NPAS2: variants seen among roughly 807,000 people sequenced by gnomAD.
NPAS2 encodes neuronal PAS domain-containing protein 2.
A neutral mutation model predicts 107.5 loss-of-function variants in NPAS2; 23 were observed. That is an observed-to-expected ratio of 0.21 (90% CI 0.15 to 0.30). NPAS2 has a LOEUF of 0.30. NPAS2 is among the 10% of genes least tolerant of loss of function. The pLI, the probability that NPAS2 is intolerant of heterozygous loss-of-function variation, is 1.00. For missense variants in NPAS2, 756 were observed against 1,043.3 expected (o/e 0.72, Z 3.79); for synonymous variants, 403 against 417.5 (o/e 0.97, Z 0.42).
chr2:100,932,339 T>C (rs1684011163), intron 3 of NPAS2, among the ~76,000 whole-genome samples: 1 of 152,232 alleles, frequency 6.6e-6, no homozygotes, highest in Non-Finnish European at 1.5e-5. Context: ...AAACTATAGA[T>C]TAACCCCAAA....
At chr2:100,971,108 G>C in intron 12 of NPAS2, 34 bp downstream of exon 12, 2 of 1,598,204 alleles carry the variant, frequency 1.3e-6, no homozygotes, top group South Asian at 1.1e-5. Context: ...ATACGGCAAA[G>C]GTTGGCTAGG....
intron 7 of NPAS2, among the ~76,000 whole-genome samples, chr2:100,954,726 A>G (rs1445709398): frequency 6.6e-6 from 1 of 150,990 alleles, no homozygotes; most frequent in African/African-American, 2.4e-5. Flanking sequence ...TAGCTATTAC[A>G]CAAGCCTCCC....
At chr2:100,824,860 T>C (rs1057403361) in intron 1 of NPAS2, among the ~76,000 whole-genome samples, 62 of 152,178 alleles carry the variant, frequency 4.1e-4, no homozygotes, top group African/African-American at 1.3e-3. Flanking sequence ...AACCAAGTTC[T>C]AAGAGAATGG....
chr2:100,924,463 T>C (rs1461474444), intron 2 of NPAS2, among the ~76,000 whole-genome samples: 1 of 152,276 alleles, frequency 6.6e-6, no homozygotes, highest in Non-Finnish European at 1.5e-5. Context: ...ATATACTTGC[T>C]ATCATACAGT....
At chr2:100,958,383 G>A (rs1675704906) in intron 7 of NPAS2, among the ~76,000 whole-genome samples, 2 of 152,300 alleles carry the variant, frequency 1.3e-5, no homozygotes, top group South Asian at 2.1e-4. Context: ...GGAACAAAGC[G>A]CATGCACGCC....
At chr2:100,977,379 G>A (rs1392201400) in intron 14 of NPAS2, among the ~76,000 whole-genome samples, 1 of 152,186 alleles carries the variant, frequency 6.6e-6, no homozygotes, top group Non-Finnish European at 1.5e-5. Flanking sequence ...TTTGGGAGGA[G>A]AGCAACCAAA....
chr2:100,831,351 C>T (rs896652391), intron 1 of NPAS2, among the ~76,000 whole-genome samples: 2 of 152,078 alleles, frequency 1.3e-5, no homozygotes, highest in African/African-American at 4.8e-5. Context: ...GTCAGCACTT[C>T]AGTTTGTGTT....
intron 5 of NPAS2, among the ~76,000 whole-genome samples, chr2:100,939,736 G>T (rs765464491): frequency 1.3e-4 from 20 of 152,298 alleles, no homozygotes; most frequent in Non-Finnish European, 2.8e-4. Flanking sequence ...GATTTGCACT[G>T]TTCTGCTTTA....
intron 2 of NPAS2, 128 bp from the exon 3 acceptor site, chr2:100,925,018 C>CCG: frequency 3.0e-6 from 3 of 993,694 alleles, no homozygotes; most frequent in Non-Finnish European, 4.3e-6. Context: ...GCGTGACCTT[C>CCG]CTGAAAGAGT....
intron 2 of NPAS2, among the ~76,000 whole-genome samples, chr2:100,916,421 AAACAAACACTAATT>A (rs1229483430): frequency 1.3e-5 from 2 of 152,334 alleles, no homozygotes; most frequent in African/African-American, 4.8e-5. Flanking sequence ...ATGATATACC[AAACAAACACTAATT>A]AAAGAAAGCC....
chr2:100,973,138 C>T lies in NPAS2; in HGVS notation c.1141-1665C>T, dbSNP rs1020481237. Among the ~76,000 whole-genome samples the T allele has an allele frequency of 9.9e-5, 15 of 151,748 alleles. 1 individual carries two copies. The highest frequency in any genetic ancestry group is 3.4e-3 in the Middle Eastern group (1 of 294). On this transcript the variant is annotated intron_variant, in intron 12 of 20. Transcript: ENST00000335681. ...AGGTTGCAGTGAGCCGAGATTGCGCCATTGCACTCCAGCCTGGGCAACAGA... is the reference window on the plus strand; with the variant it reads ...AGGTTGCAGTGAGCCGAGATTGCGCTATTGCACTCCAGCCTGGGCAACAGA...
chr2:100,956,030 G>A (rs575490512), intron 7 of NPAS2, among the ~76,000 whole-genome samples: 32 of 151,902 alleles, frequency 2.1e-4, no homozygotes, highest in South Asian at 1.9e-3. Context: ...TCAGCCTCCC[G>A]GGTAGCTGGG....
In NPAS2 at chr2:100,851,829, C is replaced by T. The variant is rs549509806; in HGVS notation, c.-23+31415C>T. Among the ~76,000 whole-genome samples, 3 of 152,252 alleles carry T rather than the reference C, an allele frequency of 2.0e-5. No homozygotes were observed. The South Asian group carries it at 6.2e-4, about 32-fold the overall frequency. On this transcript the variant is annotated intron_variant, in intron 1 of 20. Coordinates refer to ENST00000335681, the MANE Select transcript of NPAS2 (RefSeq NM_002518.4). ...TTTAACATTTTTGTTTTTTACTTGT[C>T]TGGGTCTTCCGGGTTTTTGAATGAG...
chr2:100,940,916 C>T (rs924823489), intron 5 of NPAS2, among the ~76,000 whole-genome samples: 4 of 152,220 alleles, frequency 2.6e-5, no homozygotes, highest in Middle Eastern at 3.4e-3. Flanking sequence ...AGGTGGAGGT[C>T]GGGACACAGG....
At chr2:100,875,790 C>T (rs962820124) in intron 1 of NPAS2, among the ~76,000 whole-genome samples, 3 of 152,194 alleles carry the variant, frequency 2.0e-5, no homozygotes, top group Non-Finnish European at 4.4e-5. Context: ...CAATGGCAGA[C>T]GGCATGAAAG....
At chr2:100,984,129 A>G (rs1369935206) in intron 16 of NPAS2, 1 of 152,170 alleles carries the variant, frequency 6.6e-6, no homozygotes, top group Non-Finnish European at 1.5e-5. Context: ...CGGCATGGGA[A>G]TTGCACCCTC....
chr2:100,977,368 A>G (rs1677086989), intron 14 of NPAS2, among the ~76,000 whole-genome samples: 1 of 152,168 alleles, frequency 6.6e-6, no homozygotes. Flanking sequence ...GAATTAATCC[A>G]TTTGGGAGGA....
intron 7 of NPAS2, among the ~76,000 whole-genome samples, chr2:100,954,947 G>A (rs1293438211): frequency 4.6e-5 from 7 of 151,362 alleles, no homozygotes; most frequent in Non-Finnish European, 8.8e-5. Context: ...GCGTGATCTC[G>A]GCTCACTGGA....
At chr2:100,889,371 G>C (rs555095945) in intron 1 of NPAS2, among the ~76,000 whole-genome samples, 1 of 152,348 alleles carries the variant, frequency 6.6e-6, no homozygotes, top group African/African-American at 2.4e-5. Context: ...GGGGCTTTCT[G>C]TTTGTTGAGG....
Sources: gnomAD v4.1 joint callset for allele counts (sites outside exome capture counted in the v4.1 genomes callset) on GRCh38, gnomAD v4.1.1 for gene constraint, MANE v1.5 for transcripts, NCBI Gene and HGNC (gene_info 2026-07-23, HGNC 2026-07-21) for gene names.